The following BNIP2 variants were observed in gnomAD, a reference collection of about 807,000 sequenced individuals.
The protein encoded by BNIP2 is BCL2/adenovirus E1B 19 kDa protein-interacting protein 2.
In BNIP2, 36 loss-of-function variants were observed where a neutral mutation model predicts 43.4. The observed-to-expected ratio is 0.83, with a 90% CI of 0.64 to 1.10. BNIP2 has a LOEUF of 1.10. BNIP2 is among the 50% of genes least tolerant of loss of function. The pLI is 0.00. For synonymous variants in BNIP2, 146 were observed against 121.0 expected, an observed-to-expected ratio of 1.21 and a Z score of -1.35; for missense variants, 417 against 374.1, an observed-to-expected ratio of 1.11 and a Z score of -0.95.
intron 5 of BNIP2, among the ~76,000 whole-genome samples, chr15:59,676,357 A>AT (rs1321322111): frequency 2.6e-5 from 4 of 151,322 alleles, no homozygotes; most frequent in Non-Finnish European, 4.4e-5. Context: ...TTATTTTTTT[A>AT]TTTTTTTTAT....
At chr15:59,686,738 C>T (rs1214299982) in intron 1 of BNIP2, among the ~76,000 whole-genome samples, 1 of 152,118 alleles carries the variant, frequency 6.6e-6, no homozygotes, top group Non-Finnish European at 1.5e-5. Flanking sequence ...TAACACAAGC[C>T]GGGCATGGTG....
chr15:59,666,744 TA>T (rs1246866248), intron 9 of BNIP2, among the ~76,000 whole-genome samples: 8 of 152,182 alleles, frequency 5.3e-5, no homozygotes, highest in South Asian at 2.1e-4. Context: ...AAAAATTTAT[TA>T]TTTTTTAAGA....
rs1224613855 is a variant in BNIP2, at chr15:59,689,284, G to C, written c.-207C>G. On this transcript the variant is annotated 5_prime_UTR_variant, in exon 1 of 10. Transcript: ENST00000607373. ...CCGGCCCAATCCCCCGGCCGCAGCG[G>C]TACGGCGTCGGCGGCAGCAGCTGAC... 5 of 1,545,752 alleles carry C rather than the reference G, an allele frequency of 3.2e-6. No homozygotes were observed. The highest frequency in any genetic ancestry group is 4.4e-6 in the Non-Finnish European group (5 of 1,145,862).
At chr15:59,677,135 T>C (rs1893353886) in intron 5 of BNIP2, 1 of 1,599,164 alleles carries the variant, frequency 6.3e-7, no homozygotes, top group Non-Finnish European at 8.6e-7. Flanking sequence ...TCAATGAGGC[T>C]ATTTACATGC....
chr15:59,659,774 G>A lies in BNIP2; in HGVS notation c.*4295C>T, dbSNP rs1021349211. 3 of 152,128 alleles carry A rather than the reference G, an allele frequency of 2.0e-5. No homozygotes were observed. Among genetic ancestry groups the A allele is most frequent in the East Asian group, 3.8e-4 (2 of 5,200 alleles). 9.4% of individuals were successfully genotyped at this position (152,128 alleles called of 1,614,324 possible). On this transcript the variant is annotated 3_prime_UTR_variant, in exon 10 of 10. Coordinates refer to ENST00000607373, the MANE Select transcript of BNIP2 (RefSeq NM_004330.4). ...CCTAGTATCATTAATTTGAAAGCACGAAATGATTTTCATTTGGTGCTTACG... is the reference window on the plus strand; with the variant it reads ...CCTAGTATCATTAATTTGAAAGCACAAAATGATTTTCATTTGGTGCTTACG...
At chr15:59,685,561 C>T (rs1475799239) in intron 1 of BNIP2, among the ~76,000 whole-genome samples, 1 of 152,120 alleles carries the variant, frequency 6.6e-6, no homozygotes, top group African/African-American at 2.4e-5. Flanking sequence ...CACAGGCAGC[C>T]CAAGTCTTTC....
chr15:59,671,895 G>C (rs1186279501), intron 6 of BNIP2, among the ~76,000 whole-genome samples: 3 of 152,158 alleles, frequency 2.0e-5, no homozygotes, highest in Admixed American at 6.5e-5. Flanking sequence ...TGGCAACATA[G>C]TGAGACTCTG....
chr15:59,668,429 C>G (rs549962477), intron 9 of BNIP2, among the ~76,000 whole-genome samples: 2 of 152,284 alleles, frequency 1.3e-5, no homozygotes, highest in South Asian at 4.1e-4. Flanking sequence ...GAATGTGAAT[C>G]TGATAATCAG....
chr15:59,680,346 A>AG, intron 2 of BNIP2, 38 bp from the exon 3 acceptor site: 1 of 1,509,910 alleles, frequency 6.6e-7, no homozygotes, highest in South Asian at 1.3e-5. Context: ...CCAGAAATTA[A>AG]GAAAGAATTT....
chr15:59,680,404 T>C, intron 2 of BNIP2, 96 bp from the exon 3 acceptor site: 4 of 954,478 alleles, frequency 4.2e-6, no homozygotes, highest in South Asian at 3.7e-5. Context: ...GAAATAATTA[T>C]TTGGAAAATG....
In BNIP2 at chr15:59,682,503, G is replaced by C. The variant is rs759520982; in HGVS notation, c.-46C>G. ...CAACTACAAACTCTTGATAATCCAG[G>C]GAGCCAATGTCCTATGAAGAGAGAA... On this transcript the variant is annotated 5_prime_UTR_variant, in exon 2 of 10. Coordinates refer to ENST00000607373, the MANE Select transcript of BNIP2 (RefSeq NM_004330.4). 1 of 1,612,172 alleles carries C rather than the reference G, an allele frequency of 6.2e-7. No homozygotes were observed. The highest frequency in any genetic ancestry group is 8.5e-7 in the Non-Finnish European group (1 of 1,179,208).
At chr15:59,685,095 T>A (rs1893927290) in intron 1 of BNIP2, among the ~76,000 whole-genome samples, 1 of 152,236 alleles carries the variant, frequency 6.6e-6, no homozygotes, top group Admixed American at 6.5e-5. Context: ...TAATTTCTAT[T>A]TGTAAAATTG....
At chr15:59,678,644 A>C in intron 4 of BNIP2, 2 of 1,163,876 alleles carry the variant, frequency 1.7e-6, no homozygotes, top group Non-Finnish European at 2.2e-6. Flanking sequence ...CATTAGCCAA[A>C]GCATAAGCAC....
At chr15:59,672,005 G>A (rs566125167) in intron 6 of BNIP2, among the ~76,000 whole-genome samples, 19 of 152,190 alleles carry the variant, frequency 1.2e-4, no homozygotes, top group Non-Finnish European at 2.2e-4. Context: ...GAGCCCGTGA[G>A]GTCAAGGCTG....
intron 1 of BNIP2, chr15:59,688,644 A>G: frequency 6.9e-7 from 1 of 1,448,286 alleles, no homozygotes; most frequent in East Asian, 2.5e-5. Flanking sequence ...CACACTCTGT[A>G]TTTGGTTTAG....
chr15:59,680,933 A>T (rs2142013601), intron 2 of BNIP2, among the ~76,000 whole-genome samples: 1 of 152,342 alleles, frequency 6.6e-6, no homozygotes, highest in South Asian at 2.1e-4. Context: ...GTCAGAGCTG[A>T]CTTATACACT....
chr15:59,674,619 A>G (rs1893150829), intron 5 of BNIP2, among the ~76,000 whole-genome samples: 1 of 152,212 alleles, frequency 6.6e-6, no homozygotes, highest in South Asian at 2.1e-4. Context: ...AGGGGAATGC[A>G]TCTGGCAGAG....
intron 1 of BNIP2, among the ~76,000 whole-genome samples, chr15:59,683,385 T>C (rs1344996107): frequency 6.6e-6 from 1 of 152,242 alleles, no homozygotes; most frequent in Non-Finnish European, 1.5e-5. Context: ...ATTTAGTTCA[T>C]TTACATTCAA....
chr15:59,679,392 G>T, intron 4 of BNIP2, 200 bp downstream of exon 4: 1 of 448,112 alleles, frequency 2.2e-6, no homozygotes, highest in Admixed American at 4.0e-5. Flanking sequence ...AAAAAAACAT[G>T]AGAGCAGTGG....
Sources: gnomAD v4.1 joint callset for allele counts (sites outside exome capture counted in the v4.1 genomes callset) on GRCh38, gnomAD v4.1.1 for gene constraint, MANE v1.5 for transcripts, NCBI Gene and HGNC (gene_info 2026-07-23, HGNC 2026-07-21) for gene names.